The following DNM1 variants were observed in gnomAD, a reference collection of about 807,000 sequenced individuals.
DNM1 encodes the protein dynamin-1.
Under a neutral mutation model 104.6 loss-of-function variants are expected in DNM1, and 29 were observed. The observed-to-expected ratio is 0.28, with a 90% confidence interval of 0.21 to 0.38. DNM1 has a LOEUF of 0.38. Ranked by LOEUF, DNM1 falls within the 10% of genes least tolerant of loss-of-function variation. The pLI is 1.00. For synonymous variants in DNM1, 445 were observed against 475.8 expected (o/e 0.94, Z 0.84); for missense variants, 640 against 1,189.4 (o/e 0.54, Z 6.79).
In DNM1 at chr9:128,247,387, G is replaced by A. The variant is rs756127013; in HGVS notation, c.1794G>A (p.Lys598=). ...LFNTEQRNVY[K]DYRQLELACE... is the part of the protein sequence containing the mutation. ...CCCTATCTTGCAGGAATGTCTACAAGGATTATCGGCAGCTGGAGCTAGCCT... is the reference window on the plus strand; with the variant it reads ...CCCTATCTTGCAGGAATGTCTACAAAGATTATCGGCAGCTGGAGCTAGCCT... Residue 598 remains lysine (K), a synonymous_variant, in exon 17 of 22, where the codon AAG becomes AAA. Coordinates refer to ENST00000372923, the MANE Select transcript of DNM1 (RefSeq NM_004408.4). The surrounding 1 kb of genome is among the most constrained non-coding windows in gnomAD (Gnocchi z 5.1). The A allele has an allele frequency of 6.2e-7, 1 of 1,612,832 alleles. No homozygotes were observed. Among genetic ancestry groups the A allele is most frequent in the South Asian group, 1.1e-5 (1 of 90,970 alleles).
At position 128,220,108 on chromosome 9, in the gene DNM1, A is replaced by C; in HGVS notation, c.688+22A>C. The C allele has an allele frequency of 6.2e-7, 1 of 1,612,792 alleles. No homozygotes were observed. ...AGAGGTAAGCAGGCCATGCCCCTCA[A>C]CCACTCCCCAGCCCTTCCCCACCCT... is the stretch of plus-strand genomic sequence containing the variant. On this transcript the variant is annotated intron_variant, in intron 5 of 21. Coordinates refer to ENST00000372923, the MANE Select transcript of DNM1 (RefSeq NM_004408.4). This position sits in a 1 kb window ranked among gnomAD's most constrained non-coding sequence, Gnocchi z 5.2.
chr9:128,218,099 C>G lies in DNM1; in HGVS notation c.162-132C>G. 1.2e-6 allele frequency: 1 copy of G among 835,044 alleles called. No homozygotes were observed. Among genetic ancestry groups the G allele is most frequent in the Non-Finnish European group, 2.1e-6 (1 of 478,466 alleles). The allele number at this position is 835,044 out of a possible 1,614,324, so 51.7% of individuals were successfully genotyped here. A position where few individuals can be genotyped will look rare whatever the true frequency, so the allele number is the denominator to read the frequency against. The stretch of plus-strand genomic sequence containing the variant: ...CCATATGCTCTTAGTTACCTGAAGC[C>G]CCTGGGCTAAGGAGCGGTGGAGCCA... On this transcript the variant is annotated intron_variant, in intron 1 of 21. Transcript: ENST00000372923. This position sits in a 1 kb window ranked among gnomAD's most constrained non-coding sequence, Gnocchi z 4.8.
In DNM1 at chr9:128,222,127, C is replaced by A; in HGVS notation, c.850-70C>A. On this transcript the variant is annotated intron_variant, in intron 6 of 21. Coordinates refer to ENST00000372923, the MANE Select transcript of DNM1 (RefSeq NM_004408.4). The surrounding 1 kb of genome is among the most constrained non-coding windows in gnomAD (Gnocchi z 7.8). The stretch of plus-strand genomic sequence containing the variant: ...CCACCTCACCACGTTCACACAGTCC[C>A]CTGGCATCCAAGTCCCTTCCTGGCC... 6.5e-7 allele frequency: 1 copy of A among 1,545,800 alleles called. No homozygotes were observed. Among genetic ancestry groups the A allele is most frequent in the South Asian group, 1.3e-5 (1 of 79,910 alleles).
Position 128,224,181 on chromosome 9 carries a change from G to T in DNM1, c.1197-70G>T, listed in dbSNP as rs1835195269. 2 of 1,545,828 alleles carry T rather than the reference G, an allele frequency of 1.3e-6. No individual in the cohort carries two copies. Among genetic ancestry groups the T allele is most frequent in the South Asian group, 2.5e-5 (2 of 78,656 alleles). On this transcript the variant is annotated intron_variant, in intron 9 of 21. Coordinates refer to ENST00000372923, the MANE Select transcript of DNM1 (RefSeq NM_004408.4). This position sits in a 1 kb window ranked among gnomAD's most constrained non-coding sequence, Gnocchi z 4.3. ...GCAGAGTTCGTGGGCTTGGGGAGGA[G>T]CCTCGGCCTGGCCCTCCTGGCCGGC...
Position 128,210,124 on chromosome 9 carries a change from C to A in DNM1, c.161+6493C>A, listed in dbSNP as rs546983252. On this transcript the variant is annotated intron_variant, in intron 1 of 21. Coordinates refer to ENST00000372923, the MANE Select transcript of DNM1 (RefSeq NM_004408.4). ...GCAGTGGGGCGATCTTGGCTCACTG[C>A]AGCCTTGACCTCCCGGGCTCAAGCC... 9.9e-5 allele frequency among the ~76,000 whole-genome samples: 15 copies of A among 152,204 alleles called. No individual in the cohort carries two copies. In the South Asian group the frequency reaches 2.3e-3, roughly 23 times the overall value.
chr9:128,235,904 CG>C (rs1336668294), intron 11 of DNM1, among the ~76,000 whole-genome samples: 1 of 151,912 alleles, frequency 6.6e-6, no homozygotes, highest in Non-Finnish European at 1.5e-5. Context: ...TTTGTAGAGA[CG>C]GGGGTCTCAC....
At chr9:128,233,909 T>G in intron 10 of DNM1, 112 bp from the exon 11 acceptor site, 1 of 955,830 alleles carries the variant, frequency 1.0e-6, no homozygotes, top group Non-Finnish European at 1.6e-6. Context: ...GTTGTGGGCA[T>G]TCTGTGTGTG....
At chr9:128,209,190 C>T (rs539151330) in intron 1 of DNM1, among the ~76,000 whole-genome samples, 2 of 152,308 alleles carry the variant, frequency 1.3e-5, no homozygotes, top group East Asian at 3.9e-4. Context: ...GTGGAGCACA[C>T]CCCTGGGGCT....
chr9:128,236,243 C>T (rs1218172599), intron 11 of DNM1, among the ~76,000 whole-genome samples: 2 of 152,180 alleles, frequency 1.3e-5, no homozygotes, highest in Non-Finnish European at 1.5e-5. Flanking sequence ...CCATCGTGGC[C>T]CTCACGGAGC....
chr9:128,226,209 G>C, intron 10 of DNM1: 1 of 1,609,334 alleles, frequency 6.2e-7, no homozygotes, highest in Non-Finnish European at 8.5e-7. Flanking sequence ...GGGCCTGGCC[G>C]TCCATTCCTT....
chr9:128,253,209 C>T lies in DNM1; in HGVS notation c.2535-1445C>T, dbSNP rs541733761. On this transcript the variant is annotated intron_variant, in intron 21 of 21. Coordinates refer to ENST00000372923, the MANE Select transcript of DNM1 (RefSeq NM_004408.4). This position sits in a 1 kb window ranked among gnomAD's most constrained non-coding sequence, Gnocchi z 5.9. ...CGCTGCACTAGCTCCACACGGGGCG[C>T]GCACCTGGGACCTCAGAGCCAGGCT... The T allele has an allele frequency of 1.3e-4, 195 of 1,459,772 alleles. 3 individuals carry two copies. The South Asian group carries it at 2.0e-3, about 15-fold the overall frequency. 90.4% of individuals were successfully genotyped at this position (1,459,772 alleles called of 1,614,324 possible). A position where few individuals can be genotyped will look rare whatever the true frequency, so the allele number is the denominator to read the frequency against.
chr9:128,206,371 A>C (rs1312380474), intron 1 of DNM1, among the ~76,000 whole-genome samples: 1 of 152,136 alleles, frequency 6.6e-6, no homozygotes, highest in Non-Finnish European at 1.5e-5. Flanking sequence ...TCCCTTTTAC[A>C]GAAGGGAAAA....
intron 12 of DNM1, 28 bp from the exon 13 acceptor site, chr9:128,239,700 C>T (rs1283289737): frequency 1.2e-6 from 2 of 1,608,088 alleles, no homozygotes; most frequent in African/African-American, 2.7e-5. Context: ...TTGAGAAGTT[C>T]TGAGACTCCT....
At chr9:128,249,394 T>TACAGGTACAGGTAGCTGG (rs1211605060) in intron 19 of DNM1, among the ~76,000 whole-genome samples, 32 of 151,436 alleles carry the variant, frequency 2.1e-4, no homozygotes, top group Admixed American at 1.6e-3. Flanking sequence ...CGGTAGTTCA[T>TACAGGTACAGGTAGCTGG]GCCTGTAATC....
At chr9:128,251,210 T>C in intron 21 of DNM1, 1 of 649,732 alleles carries the variant, frequency 1.5e-6, no homozygotes, top group Non-Finnish European at 2.8e-6. Flanking sequence ...AGCACTTGCA[T>C]GGCGCTTCCC....
chr9:128,239,947 C>G, intron 13 of DNM1, 38 bp from the exon 14 acceptor site: 1 of 1,613,582 alleles, frequency 6.2e-7, no homozygotes, highest in Non-Finnish European at 8.5e-7. Context: ...CCTCTCTCCC[C>G]GATGCCTCTC....
At chr9:128,235,318 A>G (rs1835946299) in intron 11 of DNM1, among the ~76,000 whole-genome samples, 5 of 151,742 alleles carry the variant, frequency 3.3e-5, no homozygotes. Flanking sequence ...ACATGGTGAA[A>G]CCCCGTCTCT....
In DNM1 at chr9:128,245,258, G is replaced by C. The variant is rs1345777059; in HGVS notation, c.1672-1136G>C. Among the ~76,000 whole-genome samples the C allele has an allele frequency of 6.6e-6, 1 of 152,116 alleles. No homozygotes were observed. Among genetic ancestry groups the C allele is most frequent in the Non-Finnish European group, 1.5e-5 (1 of 68,000 alleles). Reference sequence around the variant, plus strand: ...GGCTTTATGTGGCTGCATGGGCCAGGGGGGCGTTGGGGGCAGAGAGGGGTG... The same window carrying C: ...GGCTTTATGTGGCTGCATGGGCCAGCGGGGCGTTGGGGGCAGAGAGGGGTG... On this transcript the variant is annotated intron_variant, in intron 15 of 21. Transcript: ENST00000372923. This position sits in a 1 kb window ranked among gnomAD's most constrained non-coding sequence, Gnocchi z 5.2.
chr9:128,251,598 C>G (rs375943263), intron 21 of DNM1: 1 of 155,334 alleles, frequency 6.4e-6, no homozygotes, highest in Non-Finnish European at 1.4e-5. Flanking sequence ...CAGCCTGGGC[C>G]GTGGGCAAAC....
Sources: gnomAD v4.1 joint callset for allele counts (sites outside exome capture counted in the v4.1 genomes callset) on GRCh38, gnomAD v4.1.1 for gene constraint, Gnocchi (gnomAD v3.1) non-coding constraint, MANE v1.5 for transcripts, NCBI Gene and HGNC (gene_info 2026-07-23, HGNC 2026-07-21) for gene names.